The following NTRK1 variants were observed in gnomAD, a reference collection of about 807,000 sequenced individuals.
The protein encoded by NTRK1 is neurotrophic receptor tyrosine kinase 1.
A neutral mutation model predicts 86.8 loss-of-function variants in NTRK1; 62 were observed. That is an observed-to-expected ratio of 0.71 (90% confidence interval 0.58 to 0.88). The LOEUF (loss-of-function observed/expected upper bound fraction) is 0.88, where lower values mean the gene tolerates loss of function less well. Ranked by LOEUF, NTRK1 falls within the 40% of genes least tolerant of loss-of-function variation. NTRK1 has a pLI of 0.00. For synonymous variants in NTRK1, 469 were observed against 456.6 expected (o/e 1.03, Z -0.35); for missense variants, 967 against 1,078.4 (o/e 0.90, Z 1.45).
rs1462689313 is a variant in NTRK1 at position 156,851,588 on chromosome 1, T to A, written c.50+9395T>A. 1.1e-5 allele frequency: 18 copies of A among 1,612,382 alleles called. No homozygotes were observed. In the South Asian group the frequency reaches 2.0e-4, roughly 18 times the overall value. ...CTGAGTTGGGTCATTGTAAGGGTTG[T>A]GTCTGGGAGGAAGGGTATGACCAGG... On this transcript the variant is annotated intron_variant, in intron 2 of 16. Transcript: ENST00000392302.
chr1:156,873,018 AGTGTGTGTGTGTGTGTGTGTGTGTGT>A (rs55870362), intron 7 of NTRK1, among the ~76,000 whole-genome samples: 1 of 130,954 alleles, frequency 7.6e-6, no homozygotes, highest in African/African-American at 2.9e-5. Context: ...TTTCAAAAAG[AGTGTGTGTGTGTGTGTGTGTGTGTGT>A]GTGTGTGTGT....
intron 2 of NTRK1, among the ~76,000 whole-genome samples, chr1:156,852,915 C>T (rs558324791): frequency 3.9e-5 from 6 of 152,168 alleles, no homozygotes; most frequent in African/African-American, 9.6e-5. Flanking sequence ...GCTGCTGAGG[C>T]GCTGGGGGTG....
At chr1:156,874,818 C>T (rs2102911408) in intron 10 of NTRK1, 88 bp from the exon 11 acceptor site, 1 of 1,221,246 alleles carries the variant, frequency 8.2e-7, no homozygotes, top group Non-Finnish European at 1.2e-6. Context: ...CTCCGGGCTC[C>T]CATGCAGGAT....
At chr1:156,862,750 G>C (rs1655714637) in intron 1 of NTRK1, among the ~76,000 whole-genome samples, 3 of 152,168 alleles carry the variant, frequency 2.0e-5, no homozygotes, top group Admixed American at 2.0e-4. Context: ...CACACACCCT[G>C]CCAGCCCACT....
chr1:156,838,374 G>GTT (rs372028318), intron 1 of NTRK1, among the ~76,000 whole-genome samples: 15,163 of 145,460 alleles, frequency 0.1, 1,086 homozygotes, highest in African/African-American at 0.18. Flanking sequence ...CCAGCTACAG[G>GTT]CTTTTTTTTT....
chr1:156,825,837 T>C (rs1164817889), intron 1 of NTRK1, among the ~76,000 whole-genome samples: 1 of 152,182 alleles, frequency 6.6e-6, no homozygotes, highest in Non-Finnish European at 1.5e-5. Flanking sequence ...AACACTGTGC[T>C]AAGTGCTTTA....
chr1:156,877,591 G>C (rs978046066), intron 14 of NTRK1, among the ~76,000 whole-genome samples: 8 of 152,240 alleles, frequency 5.3e-5, no homozygotes, highest in African/African-American at 1.4e-4. Flanking sequence ...TGTTTGCAAG[G>C]CAGGGAGAAG....
At chr1:156,828,547 C>T (rs953277561) in intron 1 of NTRK1, among the ~76,000 whole-genome samples, 4 of 152,274 alleles carry the variant, frequency 2.6e-5, no homozygotes, top group Non-Finnish European at 2.9e-5. Flanking sequence ...TCTCCTCACG[C>T]GCAGTCGCGG....
chr1:156,842,504 C>T (rs138327752), intron 2 of NTRK1: 641 of 1,612,682 alleles, frequency 4.0e-4, no homozygotes, highest in Middle Eastern at 6.6e-4. Flanking sequence ...ACCCAGGAGA[C>T]GCACCTGGGA....
intron 2 of NTRK1, chr1:156,848,911 C>G (rs750232468): frequency 1.3e-6 from 2 of 1,559,432 alleles, no homozygotes; most frequent in East Asian, 2.4e-5. Context: ...GCCCCGCCCC[C>G]GGCACTCACG....
At chr1:156,877,369 C>T (rs1282393043) in intron 14 of NTRK1, among the ~76,000 whole-genome samples, 1 of 152,198 alleles carries the variant, frequency 6.6e-6, no homozygotes, top group Admixed American at 6.5e-5. Flanking sequence ...TCTATTTGTG[C>T]TGATAATTTT....
chr1:156,871,665 G>A lies in NTRK1; in HGVS notation c.760G>A (p.Val254Ile). Residue 254 changes from valine (V) to isoleucine (I), a missense_variant, in exon 7 of 17, where the codon GTC (valine) becomes ATC (isoleucine). Physicochemically the swap from Val to Ile is conservative, Grantham distance 29. Transcript: ENST00000524377. ...ATCCCTGGGGCTGACCCTGGCCAAT[G>A]TCACCAGTGACCTCAACAGGAAGAA... The part of the protein sequence containing the change: ...LPSLGLTLAN[V>I]TSDLNRKNVT... The A allele has an allele frequency of 6.2e-7, 1 of 1,614,172 alleles. No homozygotes were observed. Among genetic ancestry groups the A allele is most frequent in the Non-Finnish European group, 8.5e-7 (1 of 1,180,042 alleles).
intron 1 of NTRK1, chr1:156,841,328 T>C (rs1485281204): frequency 9.3e-7 from 1 of 1,074,744 alleles, no homozygotes; most frequent in Non-Finnish European, 1.2e-6. Flanking sequence ...GCCAGAATCA[T>C]GGGGCCGGGT....
intron 10 of NTRK1, 132 bp from the exon 11 acceptor site, chr1:156,874,774 C>T (rs1282589305): frequency 1.9e-5 from 23 of 1,182,338 alleles, no homozygotes; most frequent in South Asian, 2.5e-5. Context: ...TGCAGGGGTC[C>T]CCAGGGGAGG....
At chr1:156,875,975 G>A (rs574809028) in intron 12 of NTRK1, 105 bp from the exon 13 acceptor site, 130 of 1,568,542 alleles carry the variant, frequency 8.3e-5, no homozygotes, top group Non-Finnish European at 9.6e-5. Flanking sequence ...GCAGTCCCTC[G>A]TCTGGGCAGC....
At chr1:156,846,694 C>G (rs770589627) in intron 2 of NTRK1, 1 of 1,614,170 alleles carries the variant, frequency 6.2e-7, no homozygotes, top group South Asian at 1.1e-5. Flanking sequence ...CCACATCCAG[C>G]AGGTTCCAGC....
At chr1:156,832,069 C>T (rs1015059296) in intron 1 of NTRK1, among the ~76,000 whole-genome samples, 4 of 152,172 alleles carry the variant, frequency 2.6e-5, no homozygotes, top group African/African-American at 9.7e-5. Context: ...TTCCATTTGA[C>T]GGGCGACTTC....
At chr1:156,841,514 A>T in intron 1 of NTRK1, 3 of 1,613,920 alleles carry the variant, frequency 1.9e-6, no homozygotes, top group Non-Finnish European at 1.7e-6. Flanking sequence ...CTCCCAGAGT[A>T]CCACGCCAAA....
At chr1:156,872,913 G>T (rs1036581090) in intron 7 of NTRK1, among the ~76,000 whole-genome samples, 3 of 151,840 alleles carry the variant, frequency 2.0e-5, no homozygotes, top group Admixed American at 2.0e-4. Flanking sequence ...TCCTGACCTC[G>T]TGATCCGCCC....
Sources: allele counts gnomAD v4.1 joint callset (sites outside exome capture counted in the v4.1 genomes callset), GRCh38; gene constraint gnomAD v4.1.1; transcripts MANE v1.5; gene names NCBI Gene and HGNC (gene_info 2026-07-23, HGNC 2026-07-21).